FAM131A: variants seen among roughly 807,000 people sequenced by gnomAD.
FAM131A encodes protein FAM131A.
Under a neutral mutation model 39.2 loss-of-function variants are expected in FAM131A, and 24 were observed. That is an observed-to-expected ratio of 0.61 (90% CI 0.44 to 0.86). The LOEUF (loss-of-function observed/expected upper bound fraction) is 0.86, where lower values mean the gene tolerates loss of function less well. Ranked by LOEUF, FAM131A falls within the 40% of genes least tolerant of loss-of-function variation. The pLI is 0.00. For missense variants in FAM131A, 373 were observed against 481.2 expected (o/e 0.78, Z 2.10); for synonymous variants, 202 against 206.8 (o/e 0.98, Z 0.20).
chr3:184,346,271 C>T lies in FAM131A; in HGVS notation c.*1301C>T. On this transcript the variant is annotated 3_prime_UTR_variant, in exon 6 of 6. Transcript: ENST00000383847. The surrounding 1 kb of genome is among the most constrained non-coding windows in gnomAD (Gnocchi z 6.0). ...AATTAATATAAAAATCTTTGTAAAT[C>T]TCTATATACATCTGGTCATTGGAGG... 1 of 360,082 alleles carries T rather than the reference C, an allele frequency of 2.8e-6. No homozygotes were observed. The highest frequency in any genetic ancestry group is 5.4e-5 in the East Asian group (1 of 18,410). 22.3% of individuals were successfully genotyped at this position (360,082 alleles called of 1,614,324 possible).
In FAM131A at chr3:184,345,028, CTG is replaced by C. The variant is rs1280228755; in HGVS notation, c.*61_*62del. 7.0e-7 allele frequency: 1 copy of C among 1,432,762 alleles called. No homozygotes were observed. 88.8% of individuals were successfully genotyped at this position (1,432,762 alleles called of 1,614,324 possible). On this transcript the variant is annotated 3_prime_UTR_variant, in exon 6 of 6. Coordinates refer to ENST00000383847, the MANE Select transcript of FAM131A (RefSeq NM_144635.5). ...CCGGCTGCTGCCAGGGGCAGAGCCT[CTG>C]TGCCCAAGTGTGGGCTCAAGGCTCC...
intron 2 of FAM131A, 153 bp downstream of exon 2, chr3:184,338,682 C>T: frequency 2.1e-6 from 2 of 958,670 alleles, no homozygotes; most frequent in Non-Finnish European, 1.5e-6. Context: ...GCCCCCGTGC[C>T]GGTCTGCTCT....
At chr3:184,344,394 C>G in intron 5 of FAM131A, 101 bp from the exon 6 acceptor site, 1 of 1,166,892 alleles carries the variant, frequency 8.6e-7, no homozygotes, top group Non-Finnish European at 1.2e-6. Flanking sequence ...CCTATCCACC[C>G]CTAGAGCTAT....
rs770490748 is a variant in FAM131A at position 184,344,735 on chromosome 3, G to T, written c.866G>T (p.Arg289Leu). 1 of 1,612,160 alleles carries T rather than the reference G, an allele frequency of 6.2e-7. No individual in the cohort carries two copies. The highest frequency in any genetic ancestry group is 1.7e-5 in the Admixed American group (1 of 60,004). The change falls in exon 6 of 6, where the codon CGG (arginine) becomes CTG (leucine). Residue 289 changes from arginine (R) to leucine (L), a missense_variant. Physicochemically the swap from Arg to Leu is moderately radical, Grantham distance 102 (BLOSUM62 -2). Coordinates refer to ENST00000383847, the MANE Select transcript of FAM131A (RefSeq NM_144635.5). ...ELLLAKLPPS[R>L]ESAFRSLGPL... Reference sequence around the variant, plus strand: ...CTTCTCGCCAAACTGCCCCCCAGCCGGGAAAGTGCCTTCCGCAGCCTGGGC... The same window carrying T: ...CTTCTCGCCAAACTGCCCCCCAGCCTGGAAAGTGCCTTCCGCAGCCTGGGC...
chr3:184,340,014 CAG>C (rs1472456113), intron 2 of FAM131A: 2 of 152,174 alleles, frequency 1.3e-5, no homozygotes, highest in Non-Finnish European at 2.9e-5. Context: ...GTTTTTGAGA[CAG>C]AGTCTTTTTC....
At chr3:184,341,859 T>C in intron 3 of FAM131A, 42 bp downstream of exon 3, 1 of 1,603,348 alleles carries the variant, frequency 6.2e-7, no homozygotes, top group Non-Finnish European at 8.5e-7. Context: ...TTGTCCTTTC[T>C]CCTCCCGTTT....
Position 184,345,117 on chromosome 3 carries a change from C to A in FAM131A, c.*147C>A. ...GCTCGCTTCTCCGTTGTGTGTTTTG[C>A]ATGAAAGTGTTTGGAGAGGAGGCAG... On this transcript the variant is annotated 3_prime_UTR_variant, in exon 6 of 6. Transcript: ENST00000383847. 2 of 802,362 alleles carry A rather than the reference C, an allele frequency of 2.5e-6. No homozygotes were observed. The highest frequency in any genetic ancestry group is 3.8e-6 in the Non-Finnish European group (2 of 528,100). 49.7% of individuals were successfully genotyped at this position (802,362 alleles called of 1,614,324 possible). A position where few individuals can be genotyped will look rare whatever the true frequency, so the allele number is the denominator to read the frequency against.
Position 184,345,451 on chromosome 3 carries a change from C to A in FAM131A, c.*481C>A. 1.4e-6 allele frequency: 1 copy of A among 690,994 alleles called. No homozygotes were observed. The allele number at this position is 690,994 out of a possible 1,614,324, so 42.8% of individuals were successfully genotyped here. A position where few individuals can be genotyped will look rare whatever the true frequency, so the allele number is the denominator to read the frequency against. On this transcript the variant is annotated 3_prime_UTR_variant, in exon 6 of 6. Transcript: ENST00000383847. Reference sequence around the variant, plus strand: ...TCACCCCCACCTGGAGGGGCTGGCTCCTGCCCTCCCGGAGCCTATGGGTTG... The same window carrying A: ...TCACCCCCACCTGGAGGGGCTGGCTACTGCCCTCCCGGAGCCTATGGGTTG...
chr3:184,345,143 G>T lies in FAM131A; in HGVS notation c.*173G>T. On this transcript the variant is annotated 3_prime_UTR_variant, in exon 6 of 6. Coordinates refer to ENST00000383847, the MANE Select transcript of FAM131A (RefSeq NM_144635.5). ...ATGAAAGTGTTTGGAGAGGAGGCAG[G>T]GGCTGGGCTGGGGGCGCATGTCCTG... is the stretch of plus-strand genomic sequence containing the variant. The T allele has an allele frequency of 1.4e-6, 1 of 706,712 alleles. No homozygotes were observed. Among genetic ancestry groups the T allele is most frequent in the Non-Finnish European group, 2.3e-6 (1 of 443,454 alleles). 43.8% of individuals were successfully genotyped at this position (706,712 alleles called of 1,614,324 possible).
chr3:184,336,865 T>A (rs1727135562), upstream of FAM131A, among the ~76,000 whole-genome samples: 1 of 152,332 alleles, frequency 6.6e-6, no homozygotes, highest in East Asian at 1.9e-4. The surrounding 1 kb of genome is among the most constrained non-coding windows in gnomAD (Gnocchi z 5.5). Context: ...TGGGTGGCCA[T>A]GCACACCGGG....
At chr3:184,336,830 A>G (rs1338330744), upstream of FAM131A, among the ~76,000 whole-genome samples, 1 of 151,992 alleles carries the variant, frequency 6.6e-6, no homozygotes, top group African/African-American at 2.4e-5. The surrounding 1 kb of genome is among the most constrained non-coding windows in gnomAD (Gnocchi z 5.5). Context: ...CACAGTGCTG[A>G]CCCCTGCCTG....
At position 184,342,754 on chromosome 3, in the gene FAM131A, GC is replaced by G; in HGVS notation, c.520del (p.Gln174SerfsTer162). 1 of 1,613,272 alleles carries G rather than the reference GC, an allele frequency of 6.2e-7. No individual in the cohort carries two copies. Among genetic ancestry groups the G allele is most frequent in the Non-Finnish European group, 8.5e-7 (1 of 1,179,448 alleles). ...EARFAAGVAE[Q>X]FAIAEAKLRA... ...CTGTCCCTGCGACAGGAGTGGCTGA[GC>G]AGTTTGCCATCGCGGAAGCCAAGCT... On this transcript the variant is annotated frameshift_variant, in exon 5 of 6. Transcript: ENST00000383847. LOFTEE classifies it high-confidence loss of function. The surrounding 1 kb of genome is among the most constrained non-coding windows in gnomAD (Gnocchi z 4.6).
upstream of FAM131A, chr3:184,336,144 A>G (rs1727071132): frequency 1.3e-5 from 2 of 151,464 alleles, no homozygotes; most frequent in Non-Finnish European, 1.5e-5. The surrounding 1 kb of genome is among the most constrained non-coding windows in gnomAD (Gnocchi z 5.5). Flanking sequence ...GAGGCCGGGT[A>G]CGGGTTGGGG....
chr3:184,338,431 C>T lies in FAM131A; in HGVS notation c.133C>T (p.Arg45Trp). The T allele has an allele frequency of 6.7e-7, 1 of 1,501,578 alleles. No individual in the cohort carries two copies. The highest frequency in any genetic ancestry group is 2.5e-5 in the East Asian group (1 of 40,198). The allele number at this position is 1,501,578 out of a possible 1,614,324, so 93.0% of individuals were successfully genotyped here. The change falls in exon 2 of 6, where the codon CGG becomes TGG. Residue 45 changes from arginine (R) to tryptophan (W), a missense_variant. Physicochemically the swap from Arg to Trp is moderately radical, Grantham distance 101. Around this residue, in one of 2 missense-constraint regions of FAM131A, gnomAD observed 221 missense variants for 347.7 expected, o/e 0.64. Transcript: ENST00000383847. ...AWAVEWIELP[R>W]GLSLSSLGSA... is the part of the protein sequence containing the mutation. ...GGCTGTGGAGTGGATCGAACTTCCT[C>T]GGGGTCTCTCTCTATCCTCTTTGGG...
upstream of FAM131A, among the ~76,000 whole-genome samples, chr3:184,336,492 C>T (rs1266823286): frequency 6.6e-6 from 1 of 152,204 alleles, no homozygotes. This position sits in a 1 kb window ranked among gnomAD's most constrained non-coding sequence, Gnocchi z 5.5. Context: ...CACACACTCC[C>T]CTCCGCCTAC....
Position 184,342,975 on chromosome 3 carries a change from C to T in FAM131A, c.625+115C>T. On this transcript the variant is annotated intron_variant, in intron 5 of 5. Transcript: ENST00000383847. This position sits in a 1 kb window ranked among gnomAD's most constrained non-coding sequence, Gnocchi z 4.6. ...TTGCAAGGGGAGGGAGAGGGACAGA[C>T]TCAGTCCAGGCAGGCCTGGACACTC... 1 of 907,652 alleles carries T rather than the reference C, an allele frequency of 1.1e-6. No homozygotes were observed. Among genetic ancestry groups the T allele is most frequent in the Non-Finnish European group, 1.8e-6 (1 of 564,560 alleles). The allele number at this position is 907,652 out of a possible 1,614,324, so 56.2% of individuals were successfully genotyped here.
In FAM131A at chr3:184,345,652, C is replaced by A. The variant is rs747393690; in HGVS notation, c.*682C>A. ...AATGATGAAAGCATGTACCCTCCAC[C>A]CTTTTCCTGGCCCCCTAATGGGGCC... On this transcript the variant is annotated 3_prime_UTR_variant, in exon 6 of 6. Transcript: ENST00000383847. 4.4e-6 allele frequency: 3 copies of A among 686,050 alleles called. No homozygotes were observed. In the South Asian group the frequency reaches 4.6e-5, roughly 11 times the overall value. 42.5% of individuals were successfully genotyped at this position (686,050 alleles called of 1,614,324 possible). A position where few individuals can be genotyped will look rare whatever the true frequency, so the allele number is the denominator to read the frequency against.
At chr3:184,341,977 T>C in intron 3 of FAM131A, 89 bp from the exon 4 acceptor site, 3 of 1,554,354 alleles carry the variant, frequency 1.9e-6, no homozygotes, top group Non-Finnish European at 1.8e-6. Flanking sequence ...TTCACATGGA[T>C]CCTAACTACT....
At position 184,345,652 on chromosome 3, in the gene FAM131A, C is replaced by T. The variant is rs747393690; in HGVS notation, c.*682C>T. 2.9e-6 allele frequency: 2 copies of T among 686,052 alleles called. No homozygotes were observed. Among genetic ancestry groups the T allele is most frequent in the South Asian group, 3.1e-5 (2 of 64,702 alleles). The allele number at this position is 686,052 out of a possible 1,614,324, so 42.5% of individuals were successfully genotyped here. On this transcript the variant is annotated 3_prime_UTR_variant, in exon 6 of 6. Transcript: ENST00000383847. ...AATGATGAAAGCATGTACCCTCCAC[C>T]CTTTTCCTGGCCCCCTAATGGGGCC... is the stretch of plus-strand genomic sequence containing the variant.
Sources: allele counts gnomAD v4.1 joint callset (sites outside exome capture counted in the v4.1 genomes callset), GRCh38; gene constraint gnomAD v4.1.1; regional missense constraint gnomAD v4.1.1; non-coding constraint Gnocchi (gnomAD v3.1); transcripts MANE v1.5; gene names NCBI Gene and HGNC (gene_info 2026-07-23, HGNC 2026-07-21).